Variants in SLC26A6 observed in about 807,000 individuals in gnomAD.
SLC26A6 encodes the protein solute carrier family 26 member 6.
Under a neutral mutation model 87.1 loss-of-function variants are expected in SLC26A6, and 67 were observed. The observed-to-expected ratio is 0.77, with a 90% CI of 0.63 to 0.94. The LOEUF is 0.94. Ranked by LOEUF, SLC26A6 falls within the 40% of genes least tolerant of loss-of-function variation. The pLI, the probability that SLC26A6 is intolerant of heterozygous loss-of-function variation, is 0.00. For missense variants in SLC26A6, 902 were observed against 973.0 expected (o/e 0.93, Z 0.97); for synonymous variants, 414 against 405.9 (o/e 1.02, Z -0.24).
chr3:48,626,493 C>T (rs1260725237), intron 19 of SLC26A6, 138 bp downstream of exon 19: 4 of 1,535,476 alleles, frequency 2.6e-6, no homozygotes, highest in African/African-American at 1.4e-5. Context: ...ACTTGTAACC[C>T]TGGACTCCTG....
intron 1 of SLC26A6, among the ~76,000 whole-genome samples, chr3:48,635,042 G>C (rs928475197): frequency 6.6e-6 from 1 of 152,224 alleles, no homozygotes; most frequent in Non-Finnish European, 1.5e-5. Context: ...GCTAGTCCAC[G>C]GGCCGCTGCC....
Position 48,630,093 on chromosome 3 carries a change from C to T in SLC26A6, c.1391G>A (p.Arg464His), listed in dbSNP as rs751401987. 1.3e-5 allele frequency: 21 copies of T among 1,611,718 alleles called. No individual in the cohort carries two copies. Among genetic ancestry groups the T allele is most frequent in the South Asian group, 3.3e-5 (3 of 91,086 alleles). Residue 464 changes from arginine (R) to histidine (H), a missense_variant, in exon 12 of 21, where the codon CGC (arginine) becomes CAC (histidine). Arg to His is a conservative substitution (Grantham distance 29). This residue lies in a region of SLC26A6 where 800 missense variants were observed against 856.8 expected (regional missense o/e 0.93). Transcript: ENST00000395550. The part of the protein sequence containing the change: ...KGMLRQLSDM[R>H]SLWKANRADL... ...CGCCCGATTGGCCTTCCAGAGGGAGCGCATGTCGCTGAGCTGCCTCAGCAT... is the reference window on the plus strand; with the variant it reads ...CGCCCGATTGGCCTTCCAGAGGGAGTGCATGTCGCTGAGCTGCCTCAGCAT...
rs531108577 is a variant in SLC26A6 at position 48,628,348 on chromosome 3, C to T, written c.1800+86G>A. On this transcript the variant is annotated intron_variant, in intron 16 of 20. Transcript: ENST00000395550. The surrounding 1 kb of genome is among the most constrained non-coding windows in gnomAD (Gnocchi z 4.4). ...AAGGGGAAGGGATGAGGAGTGAGGACGAGGGAGGAGTCGGGGGCCAGGAGA... is the reference window on the plus strand; with the variant it reads ...AAGGGGAAGGGATGAGGAGTGAGGATGAGGGAGGAGTCGGGGGCCAGGAGA... 4.8e-5 allele frequency: 74 copies of T among 1,541,706 alleles called. 1 individual carries two copies. The highest frequency in any genetic ancestry group is 4.3e-4 in the African/African-American group (30 of 70,092).
chr3:48,626,521 G>C lies in SLC26A6; in HGVS notation c.2128+110C>G. On this transcript the variant is annotated intron_variant, in intron 19 of 20. Transcript: ENST00000395550. ...GACTCCTGTCTCCCAGGACACCTCT[G>C]ACCTCCAGTTCCAGAGAAAGACTTT... is the stretch of plus-strand genomic sequence containing the variant. 2.6e-6 allele frequency: 4 copies of C among 1,560,278 alleles called. No individual in the cohort carries two copies. The South Asian group carries it at 4.6e-5, about 18-fold the overall frequency.
In SLC26A6 at chr3:48,633,386, A is replaced by G. The variant is rs202103416; in HGVS notation, c.187T>C (p.Ser63Pro). Residue 63 changes from serine (S) to proline (P), a missense_variant, in exon 3 of 21, where the codon TCC becomes CCC. By Grantham distance (74) the Ser-to-Pro change is moderately conservative (BLOSUM62 -1). Coordinates refer to ENST00000395550, the MANE Select transcript of SLC26A6 (RefSeq NM_022911.3). ...THQWRTWLQC[S>P]RARAYALLLQ... ...AGAAGGGCATAGGCCCGAGCACGGG[A>G]GCACCTAGGGACATGATATGAGGGG... 152 of 1,613,370 alleles carry G rather than the reference A, an allele frequency of 9.4e-5. No individual in the cohort carries two copies. In the African/African-American group the frequency reaches 1.1e-3, roughly 12 times the overall value.
chr3:48,630,037 T>C (rs1409996919), intron 12 of SLC26A6, 25 bp downstream of exon 12: 22 of 1,613,492 alleles, frequency 1.4e-5, no homozygotes, highest in Middle Eastern at 1.7e-4. Flanking sequence ...GCCCAGTCCC[T>C]GCCCTGGGCT....
rs374943056 is a variant in SLC26A6, at chr3:48,628,490, T to G, written c.1744A>C (p.Lys582Gln). 51 of 1,613,984 alleles carry G rather than the reference T, an allele frequency of 3.2e-5. No individual in the cohort carries two copies. Among genetic ancestry groups the G allele is most frequent in the Non-Finnish European group, 4.2e-5 (50 of 1,179,994 alleles). ...LISQKKKLLK[K>Q]QEQLKLKQLQ... ...TGCTTCAGCTTCAGCTGCTCCTGCT[T>G]CTTGAGCAGTTTCTTCTTCTGGGAG... Residue 582 changes from lysine to glutamine, a missense_variant, in exon 16 of 21, where the codon AAG (lysine) becomes CAG (glutamine). By Grantham distance (53) the Lys-to-Gln change is moderately conservative. Transcript: ENST00000395550. This position sits in a 1 kb window ranked among gnomAD's most constrained non-coding sequence, Gnocchi z 4.4.
rs376155566 is a variant in SLC26A6 at position 48,631,095 on chromosome 3, G to A, written c.1032C>T (p.Leu344=). The change falls in exon 9 of 21, where the codon CTC becomes CTT. Residue 344 remains leucine, a synonymous_variant. Transcript: ENST00000395550. The part of the protein sequence containing the change: ...VAPNTQLFSK[L]VGSAFTIAVV... ...CAGCGATGGTGAAGGCGCTGCCCAC[G>A]AGCTTTGAGAACAGCTGGGTGTTGG... 3.1e-5 allele frequency: 50 copies of A among 1,613,712 alleles called. No homozygotes were observed. In the South Asian group the frequency reaches 3.4e-4, roughly 11 times the overall value.
intron 9 of SLC26A6, 98 bp from the exon 10 acceptor site, chr3:48,630,818 C>T (rs1207134125): frequency 1.3e-6 from 2 of 1,497,156 alleles, no homozygotes; most frequent in African/African-American, 1.4e-5. Flanking sequence ...TCCATCCCCA[C>T]CAAGTGGCCC....
chr3:48,631,845 C>A, intron 6 of SLC26A6, 35 bp downstream of exon 6: 1 of 1,613,104 alleles, frequency 6.2e-7, no homozygotes. Context: ...GGCCATGGGG[C>A]ACACCTACCC....
rs779947425 is a variant in SLC26A6 at position 48,633,531 on chromosome 3, TC to T, written c.127del (p.Glu43SerfsTer56). 1.2e-6 allele frequency: 2 copies of T among 1,611,158 alleles called. No individual in the cohort carries two copies. The highest frequency in any genetic ancestry group is 2.7e-5 in the African/African-American group (2 of 74,922). On this transcript the variant is annotated frameshift_variant, in exon 2 of 21. Transcript: ENST00000395550. LOFTEE classifies it high-confidence loss of function. ...RPLLNQEHLE[E>X]LGRWGSAPRT... ...AGGTGCTGAGCCCCAGCGCCCCAGC[TC>T]CTCCAAATGCTCCTGGTTCAGCAGC...
chr3:48,629,785 A>T lies in SLC26A6; in HGVS notation c.1530-74T>A. The T allele has an allele frequency of 2.5e-6, 4 of 1,606,542 alleles. No homozygotes were observed. The South Asian group carries it at 4.4e-5, about 18-fold the overall frequency. On this transcript the variant is annotated intron_variant, in intron 13 of 20. Transcript: ENST00000395550. ...AACAGAGGGGTCCGAAGGAGCCTGA[A>T]GTCCCCAGAGATGTGGGGAAAGCTG... is the stretch of plus-strand genomic sequence containing the variant.
chr3:48,626,087 A>G, intron 20 of SLC26A6, 87 bp from the exon 21 acceptor site: 1 of 1,611,412 alleles, frequency 6.2e-7, no homozygotes. Flanking sequence ...ATCCAAAGAC[A>G]GCGGAGAAAG....
rs778537326 is a variant in SLC26A6, at chr3:48,635,415, G to T, written c.-22C>A. On this transcript the variant is annotated 5_prime_UTR_variant, in exon 1 of 21. Transcript: ENST00000395550. ...CCATGGCTCGCAAGTTGTCCGGTGC[G>T]GGCTGCTCCTGCTGCTCGAGCTAGA... is the stretch of plus-strand genomic sequence containing the variant. The T allele has an allele frequency of 1.9e-6, 3 of 1,577,110 alleles. No individual in the cohort carries two copies. Among genetic ancestry groups the T allele is most frequent in the African/African-American group, 2.7e-5 (2 of 73,944 alleles).
At chr3:48,635,246 T>C (rs2046923750) in intron 1 of SLC26A6, 125 bp downstream of exon 1, 1 of 1,312,916 alleles carries the variant, frequency 7.6e-7, no homozygotes, top group Non-Finnish European at 1.1e-6. Flanking sequence ...CTGCAGAAAA[T>C]CAGCAGAGGT....
Position 48,628,798 on chromosome 3 carries a change from G to C in SLC26A6, c.1600-84C>G. On this transcript the variant is annotated intron_variant, in intron 14 of 20. Transcript: ENST00000395550. The surrounding 1 kb of genome is among the most constrained non-coding windows in gnomAD (Gnocchi z 4.4). Reference sequence around the variant, plus strand: ...TCTCCTGCCTTTCCTTCCCTAGTGTGCCCAGTGCCTGCCACCGCCCAGCCC... The same window carrying C: ...TCTCCTGCCTTTCCTTCCCTAGTGTCCCCAGTGCCTGCCACCGCCCAGCCC... 6.7e-7 allele frequency: 1 copy of C among 1,484,818 alleles called. No homozygotes were observed. 92.0% of individuals were successfully genotyped at this position (1,484,818 alleles called of 1,614,324 possible). A position where few individuals can be genotyped will look rare whatever the true frequency, so the allele number is the denominator to read the frequency against.
At chr3:48,629,571 A>G in intron 14 of SLC26A6, 71 bp downstream of exon 14, 1 of 1,480,970 alleles carries the variant, frequency 6.8e-7, no homozygotes, top group South Asian at 1.3e-5. Flanking sequence ...CAAGTGTGGA[A>G]CGAATCCACA....
intron 11 of SLC26A6, 45 bp downstream of exon 11, chr3:48,630,393 C>T: frequency 1.3e-6 from 2 of 1,539,852 alleles, no homozygotes; most frequent in African/African-American, 1.4e-5. Context: ...GATTTGAGAG[C>T]CCTGGCCTGG....
chr3:48,628,110 G>A lies in SLC26A6; in HGVS notation c.1801-72C>T. 7.2e-7 allele frequency: 1 copy of A among 1,397,008 alleles called. No homozygotes were observed. The highest frequency in any genetic ancestry group is 1.4e-5 in the South Asian group (1 of 72,200). 86.5% of individuals were successfully genotyped at this position (1,397,008 alleles called of 1,614,324 possible). A position where few individuals can be genotyped will look rare whatever the true frequency, so the allele number is the denominator to read the frequency against. ...ATGACAGCCATGTCACATAGGCCTG[G>A]TGATGCCCCCTGGTGCTGGGCAGGT... is the stretch of plus-strand genomic sequence containing the variant. On this transcript the variant is annotated intron_variant, in intron 16 of 20. Coordinates refer to ENST00000395550, the MANE Select transcript of SLC26A6 (RefSeq NM_022911.3). This position sits in a 1 kb window ranked among gnomAD's most constrained non-coding sequence, Gnocchi z 4.4.
Sources: gnomAD v4.1 joint callset for allele counts (sites outside exome capture counted in the v4.1 genomes callset) on GRCh38, gnomAD v4.1.1 for gene constraint, gnomAD v4.1.1 regional missense constraint, Gnocchi (gnomAD v3.1) non-coding constraint, MANE v1.5 for transcripts, NCBI Gene and HGNC (gene_info 2026-07-23, HGNC 2026-07-21) for gene names.